Variants in OSBP2 observed in about 807,000 individuals in gnomAD.
OSBP2 encodes the protein oxysterol binding protein 2, also known as oxysterol-binding protein 2.
Under a neutral mutation model 96.0 loss-of-function variants are expected in OSBP2, and 66 were observed. The observed-to-expected ratio is 0.69, with a 90% CI of 0.56 to 0.84. The LOEUF (loss-of-function observed/expected upper bound fraction) is 0.84. Among genes scored for constraint, OSBP2 ranks in the 40% least tolerant of loss-of-function variants. The pLI is 0.00. For synonymous variants in OSBP2, 525 were observed against 520.9 expected, an observed-to-expected ratio of 1.01 and a Z score of -0.11; for missense variants, 1,038 against 1,222.7, an observed-to-expected ratio of 0.85 and a Z score of 2.25.
Position 30,881,831 on chromosome 22 carries a change from A to G in OSBP2, c.1108-5595A>G, listed in dbSNP as rs994912502. The G allele has an allele frequency of 7.7e-7, 1 of 1,303,412 alleles. No homozygotes were observed. 80.7% of individuals were successfully genotyped at this position (1,303,412 alleles called of 1,614,324 possible). On this transcript the variant is annotated intron_variant, in intron 3 of 13. Coordinates refer to ENST00000332585, the MANE Select transcript of OSBP2 (RefSeq NM_030758.4). The surrounding 1 kb of genome is among the most constrained non-coding windows in gnomAD (Gnocchi z 4.5). The stretch of plus-strand genomic sequence containing the variant: ...GGTGCATCCGGGCTGGGGGAGGTGG[A>G]CGGGCTCTCTGCATCCATGGGGTGA...
chr22:30,906,470 T>C lies in OSBP2; in HGVS notation c.*131T>C. ...CCTTCCTATTTCCTTTCCTATTTTT[T>C]TTTTCTCCCCACACTTTCTTGGGAC... On this transcript the variant is annotated 3_prime_UTR_variant, in exon 14 of 14. Transcript: ENST00000332585. The C allele has an allele frequency of 8.6e-7, 1 of 1,168,710 alleles. No homozygotes were observed. Among genetic ancestry groups the C allele is most frequent in the African/African-American group, 1.6e-5 (1 of 62,594 alleles). 72.4% of individuals were successfully genotyped at this position (1,168,710 alleles called of 1,614,324 possible). A position where few individuals can be genotyped will look rare whatever the true frequency, so the allele number is the denominator to read the frequency against.
chr22:30,721,916 G>A (rs2089558556), intron 1 of OSBP2, among the ~76,000 whole-genome samples: 1 of 152,098 alleles, frequency 6.6e-6, no homozygotes, highest in South Asian at 2.1e-4. Flanking sequence ...TTTTTGTGCT[G>A]CGGGACTTTT....
At chr22:30,869,586 G>A (rs1326606029) in intron 2 of OSBP2, among the ~76,000 whole-genome samples, 1 of 152,196 alleles carries the variant, frequency 6.6e-6, no homozygotes, top group East Asian at 1.9e-4. Flanking sequence ...ACATGCTGGA[G>A]TGCAGTGGCA....
chr22:30,891,956 C>T, intron 8 of OSBP2, among the ~76,000 whole-genome samples: 1 of 152,226 alleles, frequency 6.6e-6, no homozygotes, highest in East Asian at 1.9e-4. Flanking sequence ...CAGGGAGCAG[C>T]TTTGCTGATG....
chr22:30,892,105 T>C (rs2039962131), intron 8 of OSBP2, among the ~76,000 whole-genome samples: 1 of 151,654 alleles, frequency 6.6e-6, no homozygotes, highest in Non-Finnish European at 1.5e-5. Context: ...CAGGGAAGCC[T>C]GGGGAGATGG....
At chr22:30,702,241 A>G (rs1199087899) in intron 1 of OSBP2, among the ~76,000 whole-genome samples, 1 of 152,198 alleles carries the variant, frequency 6.6e-6, no homozygotes, top group African/African-American at 2.4e-5. Flanking sequence ...TGTCCTGGAC[A>G]GTGCATCCCT....
At position 30,870,372 on chromosome 22, in the gene OSBP2, GCCT is replaced by G; in HGVS notation, c.854-55_854-53del. 6.3e-7 allele frequency: 1 copy of G among 1,584,514 alleles called. No individual in the cohort carries two copies. The highest frequency in any genetic ancestry group is 8.6e-7 in the Non-Finnish European group (1 of 1,161,902). The stretch of plus-strand genomic sequence containing the variant: ...TGCCCTGCTCGGCCTGGCTGTGCAG[GCCT>G]CTTGGTACCACGTCTGTTCGTAATG... On this transcript the variant is annotated intron_variant, in intron 2 of 13. Coordinates refer to ENST00000332585, the MANE Select transcript of OSBP2 (RefSeq NM_030758.4). The surrounding 1 kb of genome is among the most constrained non-coding windows in gnomAD (Gnocchi z 4.1).
upstream of OSBP2, chr22:30,694,781 C>A: frequency 3.3e-6 from 2 of 602,734 alleles, no homozygotes; most frequent in Non-Finnish European, 4.1e-6. Flanking sequence ...ACGGAGCGCA[C>A]GGGACCGCGG....
At chr22:30,868,759 C>A (rs551843428) in intron 2 of OSBP2, among the ~76,000 whole-genome samples, 1 of 152,338 alleles carries the variant, frequency 6.6e-6, no homozygotes, top group South Asian at 2.1e-4. Context: ...CTCAGCTCCC[C>A]TTGGCTTGGG....
intron 2 of OSBP2, among the ~76,000 whole-genome samples, chr22:30,746,549 G>T (rs1266872831): frequency 7.1e-6 from 1 of 139,882 alleles, no homozygotes; most frequent in African/African-American, 2.7e-5. Flanking sequence ...GAGTGCAGTG[G>T]TGCAATCTCG....
At chr22:30,819,038 C>A (rs2091116557) in intron 2 of OSBP2, among the ~76,000 whole-genome samples, 1 of 152,152 alleles carries the variant, frequency 6.6e-6, no homozygotes, top group African/African-American at 2.4e-5. Context: ...TAGACCTGTT[C>A]AAAAGACACC....
intron 2 of OSBP2, among the ~76,000 whole-genome samples, chr22:30,781,314 A>G (rs750477476): frequency 4.6e-5 from 7 of 151,966 alleles, no homozygotes; most frequent in Non-Finnish European, 8.8e-5. Flanking sequence ...ACTCATACAC[A>G]TACAAGGGAG....
In OSBP2 at chr22:30,738,841, C is replaced by T. The variant is rs370736039; in HGVS notation, c.645-2320C>T. Reference sequence around the variant, plus strand: ...CCTCCCAAAGTGCTGGGATTACAGGCGTGAGCCACCGTGCCCAGCTGACAA... The same window carrying T: ...CCTCCCAAAGTGCTGGGATTACAGGTGTGAGCCACCGTGCCCAGCTGACAA... On this transcript the variant is annotated intron_variant, in intron 1 of 13. Transcript: ENST00000332585. 2.6e-4 allele frequency among the ~76,000 whole-genome samples: 39 copies of T among 152,026 alleles called. No homozygotes were observed. The East Asian group carries it at 7.5e-3, about 29-fold the overall frequency.
chr22:30,838,736 AT>A (rs1430016813), intron 2 of OSBP2, among the ~76,000 whole-genome samples: 4 of 147,900 alleles, frequency 2.7e-5, no homozygotes, highest in East Asian at 4.1e-4. Flanking sequence ...TATCACTTGG[AT>A]TTTTTTTCTT....
At chr22:30,883,612 A>G (rs2039746007) in intron 3 of OSBP2, among the ~76,000 whole-genome samples, 2 of 152,222 alleles carry the variant, frequency 1.3e-5, no homozygotes, top group Non-Finnish European at 2.9e-5. Flanking sequence ...ATGTTAGAGC[A>G]AGCTCTCAGT....
intron 2 of OSBP2, among the ~76,000 whole-genome samples, chr22:30,768,966 C>T (rs377612981): frequency 1.6e-4 from 24 of 152,328 alleles, no homozygotes; most frequent in East Asian, 9.6e-4. Flanking sequence ...GGGTCCAGAC[C>T]GGATGCCTGA....
chr22:30,725,089 T>C (rs535335218), intron 1 of OSBP2, among the ~76,000 whole-genome samples: 1 of 146,604 alleles, frequency 6.8e-6, no homozygotes, highest in Admixed American at 7.0e-5. Context: ...GGCAGGAGAA[T>C]GGCGTGAACC....
At chr22:30,855,720 C>A (rs1162150468) in intron 2 of OSBP2, among the ~76,000 whole-genome samples, 1 of 152,136 alleles carries the variant, frequency 6.6e-6, no homozygotes. Context: ...GCAAGGACAC[C>A]AGAAAGTTCG....
chr22:30,876,382 G>A (rs957070928), intron 3 of OSBP2, among the ~76,000 whole-genome samples: 2 of 152,224 alleles, frequency 1.3e-5, no homozygotes, highest in Admixed American at 6.5e-5. Context: ...GGCAAGGCTT[G>A]TCAACTGTGT....
Sources: gnomAD v4.1 joint callset for allele counts (sites outside exome capture counted in the v4.1 genomes callset) on GRCh38, gnomAD v4.1.1 for gene constraint, Gnocchi (gnomAD v3.1) non-coding constraint, MANE v1.5 for transcripts, NCBI Gene and HGNC (gene_info 2026-07-23, HGNC 2026-07-21) for gene names.